The following BASP1 variants were observed in gnomAD, a reference collection of about 807,000 sequenced individuals.
The protein encoded by BASP1 is brain abundant membrane attached signal protein 1, also known as brain acid soluble protein 1.
Under a neutral mutation model 2.2 loss-of-function variants are expected in BASP1, and 1 was observed. That is an observed-to-expected ratio of 0.46 (90% confidence interval 0.16 to 2.17). BASP1 has a LOEUF of 2.17. BASP1 is among the 30% of genes most tolerant of loss of function. The pLI, the probability that BASP1 is intolerant of heterozygous loss-of-function variation, is 0.27. For synonymous variants in BASP1, 187 were observed against 154.2 expected (o/e 1.21, Z -1.58); for missense variants, 352 against 327.2 (o/e 1.08, Z -0.58).
In BASP1 at chr5:17,252,080, C is replaced by T. The variant is rs529501906; in HGVS notation, c.-9-23128C>T. 3.3e-5 allele frequency among the ~76,000 whole-genome samples: 5 copies of T among 152,108 alleles called. No homozygotes were observed. In the South Asian group the frequency reaches 1.0e-3, roughly 32 times the overall value. The stretch of plus-strand genomic sequence containing the variant: ...TTGAACCTTTGGAGGAAGTCATGGA[C>T]AGAGGGCAGAGGAGAGGAGCTTAGG... On this transcript the variant is annotated intron_variant, in intron 1 of 1. Coordinates refer to ENST00000322611, the MANE Select transcript of BASP1 (RefSeq NM_006317.5).
intron 1 of BASP1, among the ~76,000 whole-genome samples, chr5:17,249,863 A>G (rs1740066557): frequency 1.3e-5 from 2 of 152,000 alleles, no homozygotes. Flanking sequence ...ATTTCCTTTT[A>G]TTTTTACCTA....
At chr5:17,254,648 A>T (rs1740164758) in intron 1 of BASP1, among the ~76,000 whole-genome samples, 1 of 152,206 alleles carries the variant, frequency 6.6e-6, no homozygotes, top group African/African-American at 2.4e-5. Flanking sequence ...AATCACATTT[A>T]TTTATCAGAT....
chr5:17,237,490 T>C (rs2126497752), intron 1 of BASP1, among the ~76,000 whole-genome samples: 1 of 152,340 alleles, frequency 6.6e-6, no homozygotes, highest in Non-Finnish European at 1.5e-5. Context: ...GACTTCGGTA[T>C]GGCTCATTTT....
At chr5:17,249,884 C>A (rs1304758542) in intron 1 of BASP1, among the ~76,000 whole-genome samples, 1 of 152,058 alleles carries the variant, frequency 6.6e-6, no homozygotes, top group African/African-American at 2.4e-5. Flanking sequence ...TTGCTGACAC[C>A]CTTCTTGCTA....
chr5:17,239,714 T>G lies in BASP1; in HGVS notation c.-10+21904T>G, dbSNP rs925707922. On this transcript the variant is annotated intron_variant, in intron 1 of 1. Transcript: ENST00000322611. ...GGAATTTGGATATATGTGTTGTATTTGCATGTGATACTGCCCTTCATTTGA... is the reference window on the plus strand; with the variant it reads ...GGAATTTGGATATATGTGTTGTATTGGCATGTGATACTGCCCTTCATTTGA... 2.0e-5 allele frequency among the ~76,000 whole-genome samples: 3 copies of G among 152,340 alleles called. 1 individual carries two copies. Among genetic ancestry groups the G allele is most frequent in the Admixed American group, 6.5e-5 (1 of 15,300 alleles).
intron 1 of BASP1, among the ~76,000 whole-genome samples, chr5:17,239,837 C>A (rs940027901): frequency 1.3e-5 from 2 of 152,102 alleles, no homozygotes; most frequent in Non-Finnish European, 2.9e-5. Context: ...TTGCTGGTAA[C>A]CGTTGTAATG....
chr5:17,265,310 C>T (rs947774433), intron 1 of BASP1, among the ~76,000 whole-genome samples: 3 of 152,056 alleles, frequency 2.0e-5, no homozygotes, highest in East Asian at 1.9e-4. Context: ...CCATATCATG[C>T]GAAGACTTGA....
intron 1 of BASP1, among the ~76,000 whole-genome samples, chr5:17,238,844 T>G (rs1051511147): frequency 6.6e-6 from 1 of 152,350 alleles, no homozygotes; most frequent in Non-Finnish European, 1.5e-5. Flanking sequence ...GTGTCAGTTA[T>G]TAATCATCTG....
chr5:17,275,914 T>C lies in BASP1; in HGVS notation c.*14T>C. 1 of 1,549,222 alleles carries C rather than the reference T, an allele frequency of 6.5e-7. No individual in the cohort carries two copies. Among genetic ancestry groups the C allele is most frequent in the Non-Finnish European group, 8.7e-7 (1 of 1,150,020 alleles). ...GTGAAAGAGTGACAAGGACAGCCTA[T>C]AGGAAAAACAATACCACTTAAAACA... On this transcript the variant is annotated 3_prime_UTR_variant, in exon 2 of 2. Coordinates refer to ENST00000322611, the MANE Select transcript of BASP1 (RefSeq NM_006317.5). This position sits in a 1 kb window ranked among gnomAD's most constrained non-coding sequence, Gnocchi z 5.3.
At chr5:17,225,966 G>A (rs561103821) in intron 1 of BASP1, among the ~76,000 whole-genome samples, 95 of 152,226 alleles carry the variant, frequency 6.2e-4, no homozygotes, top group Middle Eastern at 3.4e-3. Flanking sequence ...CATACTATTG[G>A]GATGTTTGAA....
intron 1 of BASP1, among the ~76,000 whole-genome samples, chr5:17,230,409 A>G (rs1327842499): frequency 1.3e-5 from 2 of 152,064 alleles, no homozygotes; most frequent in East Asian, 1.9e-4. Context: ...GAAATCCTCC[A>G]TGACTATAGA....
rs1047850271 is a variant in BASP1 at position 17,244,149 on chromosome 5, C to T, written c.-10+26339C>T. 3.3e-5 allele frequency among the ~76,000 whole-genome samples: 5 copies of T among 152,220 alleles called. No homozygotes were observed. The East Asian group carries it at 5.8e-4, about 18-fold the overall frequency. On this transcript the variant is annotated intron_variant, in intron 1 of 1. Coordinates refer to ENST00000322611, the MANE Select transcript of BASP1 (RefSeq NM_006317.5). Reference sequence around the variant, plus strand: ...TAAGATTATACGTATTGTACATTCTCGGAATCTGGAGGACACAATAATTAA... The same window carrying T: ...TAAGATTATACGTATTGTACATTCTTGGAATCTGGAGGACACAATAATTAA...
rs1215341015 is a variant in BASP1 at position 17,275,987 on chromosome 5, CCTCT to C, written c.*97_*100del. The C allele has an allele frequency of 4.2e-5, 49 of 1,154,862 alleles. No homozygotes were observed. Among genetic ancestry groups the C allele is most frequent in the Middle Eastern group, 3.2e-4 (1 of 3,130 alleles). 71.5% of individuals were successfully genotyped at this position (1,154,862 alleles called of 1,614,324 possible). On this transcript the variant is annotated 3_prime_UTR_variant, in exon 2 of 2. Coordinates refer to ENST00000322611, the MANE Select transcript of BASP1 (RefSeq NM_006317.5). The surrounding 1 kb of genome is among the most constrained non-coding windows in gnomAD (Gnocchi z 5.3). ...TCTCTCTCTATCTCTCTCTCTATCTCCTCTCTCTCTCTCCTCTCCTATCTCTCCT... is the reference window on the plus strand; with the variant it reads ...TCTCTCTCTATCTCTCTCTCTATCTCCTCTCTCTCCTCTCCTATCTCTCCT...
intron 1 of BASP1, among the ~76,000 whole-genome samples, chr5:17,263,192 C>A: frequency 6.6e-6 from 1 of 151,918 alleles, no homozygotes; most frequent in Non-Finnish European, 1.5e-5. Context: ...ATCAGAAGTT[C>A]TTGAGATCAC....
At chr5:17,265,813 C>T (rs1404117323) in intron 1 of BASP1, among the ~76,000 whole-genome samples, 2 of 152,156 alleles carry the variant, frequency 1.3e-5, no homozygotes, top group Non-Finnish European at 2.9e-5. Flanking sequence ...AATTAGATAC[C>T]GTTCTGATAT....
At chr5:17,239,359 C>T (rs925686884) in intron 1 of BASP1, among the ~76,000 whole-genome samples, 3 of 152,152 alleles carry the variant, frequency 2.0e-5, no homozygotes, top group African/African-American at 7.2e-5. Flanking sequence ...TCCCAAAGTG[C>T]GGGGATTACA....
intron 1 of BASP1, among the ~76,000 whole-genome samples, chr5:17,241,482 A>T (rs889519288): frequency 2.6e-5 from 4 of 152,244 alleles, no homozygotes; most frequent in African/African-American, 9.6e-5. Flanking sequence ...AAACTGTGGC[A>T]CAGAGAAATT....
intron 1 of BASP1, among the ~76,000 whole-genome samples, chr5:17,218,621 T>G (rs370917340): frequency 1.3e-5 from 2 of 152,020 alleles, no homozygotes; most frequent in African/African-American, 2.4e-5. Context: ...GGGTGTGGGC[T>G]TGAACCTGAC....
chr5:17,245,351 T>C (rs950764847), intron 1 of BASP1, among the ~76,000 whole-genome samples: 1 of 152,180 alleles, frequency 6.6e-6, no homozygotes, highest in East Asian at 1.9e-4. Context: ...GACATTTTTT[T>C]CCCTGTAGTG....
Sources: gnomAD v4.1 joint callset for allele counts (sites outside exome capture counted in the v4.1 genomes callset) on GRCh38, gnomAD v4.1.1 for gene constraint, Gnocchi (gnomAD v3.1) non-coding constraint, MANE v1.5 for transcripts, NCBI Gene and HGNC (gene_info 2026-07-23, HGNC 2026-07-21) for gene names.